The following FBXW11 variants were observed in gnomAD, a reference collection of about 807,000 sequenced individuals.
FBXW11 encodes the protein F-box and WD repeat domain containing 11, also known as F-box/WD repeat-containing protein 11.
A neutral mutation model predicts 77.6 loss-of-function variants in FBXW11; 19 were observed. The ratio of observed to expected loss-of-function variants is 0.24; its 90% CI spans 0.17 to 0.36. The LOEUF is 0.36. FBXW11 is among the 10% of genes least tolerant of loss of function. The probability of loss-of-function intolerance (pLI) is 1.00; values close to 1 mark genes in which losing one functional copy is unlikely to be tolerated. For synonymous variants in FBXW11, 235 were observed against 249.4 expected, an observed-to-expected ratio of 0.94 and a Z score of 0.54; for missense variants, 334 against 704.2, an observed-to-expected ratio of 0.47 and a Z score of 5.95.
intron 1 of FBXW11, among the ~76,000 whole-genome samples, chr5:171,958,896 T>C (rs1763754787): frequency 6.6e-6 from 1 of 152,128 alleles, no homozygotes; most frequent in African/African-American, 2.4e-5. Context: ...CCAAACACCC[T>C]CATTTGCCTG....
intron 6 of FBXW11, among the ~76,000 whole-genome samples, chr5:171,898,094 C>A (rs910322872): frequency 6.6e-6 from 1 of 152,158 alleles, no homozygotes; most frequent in African/African-American, 2.4e-5. Context: ...CAGTCACATT[C>A]AGATTTACCA....
chr5:171,955,945 C>A (rs1763586421), intron 2 of FBXW11, among the ~76,000 whole-genome samples: 1 of 152,122 alleles, frequency 6.6e-6, no homozygotes, highest in African/African-American at 2.4e-5. Context: ...CCCACTCACC[C>A]CACCTCCAGA....
intron 1 of FBXW11, among the ~76,000 whole-genome samples, chr5:171,971,138 T>C (rs1377734884): frequency 6.6e-6 from 1 of 152,210 alleles, no homozygotes; most frequent in Non-Finnish European, 1.5e-5. Context: ...GTCTAGTTCC[T>C]CTAAATCTCT....
At chr5:171,922,896 C>CGT (rs1482116726) in intron 2 of FBXW11, among the ~76,000 whole-genome samples, 5 of 151,966 alleles carry the variant, frequency 3.3e-5, no homozygotes, top group African/African-American at 1.2e-4. Context: ...CATCACCAAT[C>CGT]GTGTGTGTGC....
In FBXW11 at chr5:171,869,844, G is replaced by C. The variant is rs1757642647; in HGVS notation, c.1452-37C>G. The stretch of plus-strand genomic sequence containing the variant: ...AATGAGATGTGATTAGTGGAAAAGT[G>C]AACAATTTATATGCTGTCAAACATT... On this transcript the variant is annotated intron_variant, in intron 11 of 13. Coordinates refer to ENST00000517395, the MANE Select transcript of FBXW11 (RefSeq NM_001378974.1). The surrounding 1 kb of genome is among the most constrained non-coding windows in gnomAD (Gnocchi z 4.1). 2.1e-6 allele frequency: 3 copies of C among 1,439,972 alleles called. No individual in the cohort carries two copies. The highest frequency in any genetic ancestry group is 2.8e-5 in the African/African-American group (2 of 70,810). 89.2% of individuals were successfully genotyped at this position (1,439,972 alleles called of 1,614,324 possible). A position where few individuals can be genotyped will look rare whatever the true frequency, so the allele number is the denominator to read the frequency against.
chr5:171,878,595 A>T (rs1333110277), intron 7 of FBXW11, among the ~76,000 whole-genome samples: 7 of 70,482 alleles, frequency 9.9e-5, no homozygotes, highest in South Asian at 5.7e-4. Context: ...TGTGTGTAAG[A>T]GAGAGAGAGT....
In FBXW11 at chr5:171,869,578, C is replaced by A. The variant is rs1239446834; in HGVS notation, c.1530+151G>T. ...CAGTAATGTAAACATCAAATATTCT[C>A]TGGTTTTGGCTAAACAAAATGAAGA... On this transcript the variant is annotated intron_variant, in intron 12 of 13. Coordinates refer to ENST00000517395, the MANE Select transcript of FBXW11 (RefSeq NM_001378974.1). The surrounding 1 kb of genome is among the most constrained non-coding windows in gnomAD (Gnocchi z 4.1). 2.0e-6 allele frequency: 1 copy of A among 488,472 alleles called. No homozygotes were observed. The highest frequency in any genetic ancestry group is 3.7e-6 in the Non-Finnish European group (1 of 270,728). 30.3% of individuals were successfully genotyped at this position (488,472 alleles called of 1,614,324 possible).
chr5:171,876,546 G>A lies in FBXW11; in HGVS notation c.972-12C>T, dbSNP rs773251633. The A allele has an allele frequency of 2.9e-5, 46 of 1,610,154 alleles. No homozygotes were observed. Among genetic ancestry groups the A allele is most frequent in the Non-Finnish European group, 3.7e-5 (43 of 1,176,716 alleles). Reference sequence around the variant, plus strand: ...TCACATCCCACACTCTAGGAGAGAAGAGAAAAGCATGATGCTTAATTATGG... The same window carrying A: ...TCACATCCCACACTCTAGGAGAGAAAAGAAAAGCATGATGCTTAATTATGG... On this transcript the variant is annotated splice_polypyrimidine_tract_variant and intron_variant, in intron 8 of 13. Coordinates refer to ENST00000517395, the MANE Select transcript of FBXW11 (RefSeq NM_001378974.1). This position sits in a 1 kb window ranked among gnomAD's most constrained non-coding sequence, Gnocchi z 4.2.
intron 7 of FBXW11, among the ~76,000 whole-genome samples, chr5:171,889,103 A>C (rs1759121239): frequency 1.3e-5 from 2 of 152,240 alleles, no homozygotes; most frequent in South Asian, 2.1e-4. Context: ...ATAATGGCTG[A>C]AGACTTCTGA....
intron 6 of FBXW11, among the ~76,000 whole-genome samples, chr5:171,896,460 T>C (rs1233381125): frequency 6.6e-6 from 1 of 152,194 alleles, no homozygotes; most frequent in East Asian, 1.9e-4. Flanking sequence ...ATACCCTTTT[T>C]TCAACGAACA....
At chr5:171,875,633 T>G (rs189810672) in intron 9 of FBXW11, among the ~76,000 whole-genome samples, 57 of 152,226 alleles carry the variant, frequency 3.7e-4, no homozygotes, top group Admixed American at 6.5e-4. Context: ...TATAAAAGCA[T>G]AGGAAAGCTA....
intron 1 of FBXW11, among the ~76,000 whole-genome samples, chr5:172,000,956 A>C (rs1766378299): frequency 6.6e-6 from 1 of 152,200 alleles, no homozygotes; most frequent in East Asian, 1.9e-4. Flanking sequence ...CAACTGATGC[A>C]AAAAGTATTC....
intron 2 of FBXW11, among the ~76,000 whole-genome samples, chr5:171,935,935 C>T (rs1762451100): frequency 6.6e-6 from 1 of 151,240 alleles, no homozygotes; most frequent in African/African-American, 2.4e-5. Flanking sequence ...ATATGGTGAA[C>T]CCCCATCTCT....
At position 172,006,600 on chromosome 5, in the gene FBXW11, C is replaced by G; in HGVS notation, c.-98G>C. On this transcript the variant is annotated 5_prime_UTR_variant, in exon 1 of 14. Transcript: ENST00000517395. ...AGGCGGCAGAGGCGGAGGCGGCTAT[C>G]GCACCCACTCTAGCTGCCAGCCCGC... 7.3e-7 allele frequency: 1 copy of G among 1,367,690 alleles called. No homozygotes were observed. The highest frequency in any genetic ancestry group is 9.4e-7 in the Non-Finnish European group (1 of 1,059,924). The allele number at this position is 1,367,690 out of a possible 1,614,324, so 84.7% of individuals were successfully genotyped here. A position where few individuals can be genotyped will look rare whatever the true frequency, so the allele number is the denominator to read the frequency against.
At chr5:171,925,991 C>A (rs954730320) in intron 2 of FBXW11, among the ~76,000 whole-genome samples, 1 of 152,150 alleles carries the variant, frequency 6.6e-6, no homozygotes, top group Non-Finnish European at 1.5e-5. Context: ...TCTGTACAAT[C>A]TCATCTTTAC....
At chr5:171,883,292 G>T (rs560548998) in intron 7 of FBXW11, among the ~76,000 whole-genome samples, 1 of 151,972 alleles carries the variant, frequency 6.6e-6, no homozygotes, top group Non-Finnish European at 1.5e-5. Context: ...TTTTCCTCTG[G>T]GTAGATACCC....
intron 1 of FBXW11, among the ~76,000 whole-genome samples, chr5:171,985,924 G>A (rs547966886): frequency 1.2e-4 from 18 of 152,156 alleles, no homozygotes; most frequent in Non-Finnish European, 8.8e-5. Context: ...TCCAGCCTGG[G>A]TGGCAGAACA....
At position 171,868,653 on chromosome 5, in the gene FBXW11, G is replaced by A. The variant is rs764538744; in HGVS notation, c.1674C>T (p.Tyr558=). 8 of 1,613,314 alleles carry A rather than the reference G, an allele frequency of 5.0e-6. No homozygotes were observed. The highest frequency in any genetic ancestry group is 5.1e-6 in the Non-Finnish European group (6 of 1,179,712). ...CAGACTGTTATCTAGAGATGTAAGT[G>A]TATGTTCTGGAGGGAGAACGGGTCT... is the stretch of plus-strand genomic sequence containing the variant. ...QNETRSPSRT[Y]TYISR is the part of the protein sequence containing the mutation. Residue 558 remains tyrosine, a synonymous_variant, in exon 13 of 14, where the codon TAC becomes TAT. Transcript: ENST00000517395.
intron 1 of FBXW11, among the ~76,000 whole-genome samples, chr5:171,985,766 C>G (rs1042096884): frequency 6.6e-6 from 1 of 152,088 alleles, no homozygotes; most frequent in South Asian, 2.1e-4. Flanking sequence ...CAAGAAGACC[C>G]TGTACCGAAA....
Sources: gnomAD v4.1 joint callset for allele counts (sites outside exome capture counted in the v4.1 genomes callset) on GRCh38, gnomAD v4.1.1 for gene constraint, Gnocchi (gnomAD v3.1) non-coding constraint, MANE v1.5 for transcripts, NCBI Gene and HGNC (gene_info 2026-07-23, HGNC 2026-07-21) for gene names.